PHACTR3: variants seen among roughly 807,000 people sequenced by gnomAD.
The protein encoded by PHACTR3 is protein phosphatase 1, regulatory subunit 123.
PHACTR3 carries 16 observed loss-of-function variants against 66.8 expected under a neutral mutation model. The ratio of observed to expected loss-of-function variants is 0.24; its 90% CI spans 0.16 to 0.36. The LOEUF (loss-of-function observed/expected upper bound fraction) is 0.36, where lower values mean the gene tolerates loss of function less well. Among genes scored for constraint, PHACTR3 ranks in the 10% least tolerant of loss-of-function variants. The pLI, the probability that PHACTR3 is intolerant of heterozygous loss-of-function variation, is 1.00. For missense variants in PHACTR3, 647 were observed against 719.9 expected, an observed-to-expected ratio of 0.90 and a Z score of 1.16; for synonymous variants, 323 against 292.1, an observed-to-expected ratio of 1.11 and a Z score of -1.08.
intron 1 of PHACTR3, among the ~76,000 whole-genome samples, chr20:59,680,115 G>C (rs1370771804): frequency 4.0e-5 from 6 of 151,558 alleles, no homozygotes. Context: ...CCCATCTCCT[G>C]TCTTCTGGTG....
Position 59,830,341 on chromosome 20 carries a change from T to C in PHACTR3, c.1329-6164T>C, listed in dbSNP as rs1399498069. On this transcript the variant is annotated intron_variant, in intron 8 of 12. Coordinates refer to ENST00000371015, the MANE Select transcript of PHACTR3 (RefSeq NM_080672.5). This position sits in a 1 kb window ranked among gnomAD's most constrained non-coding sequence, Gnocchi z 5.8. ...GATGAAAGAAGGTGTGAGTATTTGATGGAGGAGGGTGTGTCTGATGGAGAC... is the reference window on the plus strand; with the variant it reads ...GATGAAAGAAGGTGTGAGTATTTGACGGAGGAGGGTGTGTCTGATGGAGAC... 1.3e-5 allele frequency among the ~76,000 whole-genome samples: 2 copies of C among 150,928 alleles called. No homozygotes were observed. The highest frequency in any genetic ancestry group is 2.9e-5 in the Non-Finnish European group (2 of 67,868).
At chr20:59,746,455 T>C (rs147105312) in intron 2 of PHACTR3, among the ~76,000 whole-genome samples, 291 of 152,334 alleles carry the variant, frequency 1.9e-3, no homozygotes, top group African/African-American at 6.2e-3. Context: ...TCAGTAAATG[T>C]GTAAGGGGTT....
At chr20:59,834,723 A>G (rs1302309866) in intron 8 of PHACTR3, among the ~76,000 whole-genome samples, 1 of 152,120 alleles carries the variant, frequency 6.6e-6, no homozygotes, top group African/African-American at 2.4e-5. Context: ...CAGATTCTGA[A>G]TGTATCTGCC....
chr20:59,672,276 C>T lies in PHACTR3; in HGVS notation c.118+67144C>T, dbSNP rs182853452. 3.3e-5 allele frequency among the ~76,000 whole-genome samples: 5 copies of T among 152,368 alleles called. No individual in the cohort carries two copies. The East Asian group carries it at 9.6e-4, about 29-fold the overall frequency. Reference sequence around the variant, plus strand: ...GCTGCGCATCCCTGCGTTGGAGTCACAGTGCCCTGAGTCCCTGTCCCAATG... The same window carrying T: ...GCTGCGCATCCCTGCGTTGGAGTCATAGTGCCCTGAGTCCCTGTCCCAATG... On this transcript the variant is annotated intron_variant, in intron 1 of 12. Transcript: ENST00000371015.
In PHACTR3 at chr20:59,736,291, G is replaced by T. The variant is rs1378976897; in HGVS notation, c.119-6816G>T. Among the ~76,000 whole-genome samples the T allele has an allele frequency of 6.6e-6, 1 of 152,102 alleles. No individual in the cohort carries two copies. On this transcript the variant is annotated intron_variant, in intron 1 of 12. Transcript: ENST00000371015. This position sits in a 1 kb window ranked among gnomAD's most constrained non-coding sequence, Gnocchi z 4.6. ...ACTACTGTTATTCAGAGGCTGGGGG[G>T]TGGCTGCTAATGTGTTTGCACCTTC...
At chr20:59,836,740 A>G (rs185727587) in intron 9 of PHACTR3, among the ~76,000 whole-genome samples, 180 bp downstream of exon 9, 15 of 152,202 alleles carry the variant, frequency 9.9e-5, no homozygotes, top group Admixed American at 8.5e-4. Flanking sequence ...ATACCTAGAA[A>G]CATTTTTTTT....
intron 8 of PHACTR3, among the ~76,000 whole-genome samples, chr20:59,824,315 T>C (rs200868825): frequency 2.0e-5 from 3 of 152,170 alleles, no homozygotes; most frequent in African/African-American, 4.8e-5. Flanking sequence ...AGATGTAAGA[T>C]TGCACTCAGT....
chr20:59,629,973 G>A (rs2034607813), intron 1 of PHACTR3, among the ~76,000 whole-genome samples: 1 of 152,108 alleles, frequency 6.6e-6, no homozygotes, highest in East Asian at 1.9e-4. Context: ...AAGGAAAGAA[G>A]AAACTTTCCT....
chr20:59,830,165 G>GTGGAAGAGGGTGTGCGTGTCTGA lies in PHACTR3; in HGVS notation c.1329-6328_1329-6306dup, dbSNP rs1294261481. Among the ~76,000 whole-genome samples the GTGGAAGAGGGTGTGCGTGTCTGA allele has an allele frequency of 6.6e-6, 1 of 150,394 alleles. No homozygotes were observed. ...ACAGACAGGAGCATGTGCGTGTCTG[G>GTGGAAGAGGGTGTGCGTGTCTGA]TGGAAGAGGGTGTGCGTGTCTGATG... On this transcript the variant is annotated intron_variant, in intron 8 of 12. Transcript: ENST00000371015. The surrounding 1 kb of genome is among the most constrained non-coding windows in gnomAD (Gnocchi z 5.8).
chr20:59,731,593 G>C (rs2038765977), intron 1 of PHACTR3, among the ~76,000 whole-genome samples: 1 of 152,136 alleles, frequency 6.6e-6, no homozygotes, highest in Admixed American at 6.5e-5. Context: ...AGCGACCATT[G>C]GCAGTACTAT....
Position 59,681,460 on chromosome 20 carries a change from C to G in PHACTR3, c.119-61647C>G, listed in dbSNP as rs555360819. Reference sequence around the variant, plus strand: ...CCCCAGGGTCTCTAGAGGAATGCCACAGGGGTCCATCCCAGGTTCTGAGTC... The same window carrying G: ...CCCCAGGGTCTCTAGAGGAATGCCAGAGGGGTCCATCCCAGGTTCTGAGTC... On this transcript the variant is annotated intron_variant, in intron 1 of 12. Transcript: ENST00000371015. Among the ~76,000 whole-genome samples, 16 of 152,252 alleles carry G rather than the reference C, an allele frequency of 1.1e-4. No homozygotes were observed. The South Asian group carries it at 3.3e-3, about 32-fold the overall frequency.
rs2042333917 is a variant in PHACTR3 at position 59,830,504 on chromosome 20, G to A, written c.1329-6001G>A. Among the ~76,000 whole-genome samples, 1 of 152,146 alleles carries A rather than the reference G, an allele frequency of 6.6e-6. No individual in the cohort carries two copies. The highest frequency in any genetic ancestry group is 2.4e-5 in the African/African-American group (1 of 41,422). ...ATGAGCAGATGTTGAAAGAGGGTGT[G>A]AGCATCCGTCTGATGGAGGAGGCTG... On this transcript the variant is annotated intron_variant, in intron 8 of 12. Transcript: ENST00000371015. The surrounding 1 kb of genome is among the most constrained non-coding windows in gnomAD (Gnocchi z 5.8).
intron 8 of PHACTR3, among the ~76,000 whole-genome samples, chr20:59,811,116 G>A (rs1308985568): frequency 6.6e-6 from 1 of 152,238 alleles, no homozygotes; most frequent in East Asian, 1.9e-4. Flanking sequence ...AAGCCTTGGT[G>A]AGAAGGTAAC....
At chr20:59,781,550 G>A (rs1389128990) in intron 7 of PHACTR3, among the ~76,000 whole-genome samples, 1 of 152,156 alleles carries the variant, frequency 6.6e-6, no homozygotes, top group East Asian at 1.9e-4. Context: ...GGCCTGTGTG[G>A]GCACATGGCG....
intron 1 of PHACTR3, among the ~76,000 whole-genome samples, chr20:59,701,939 C>T (rs1365512369): frequency 1.3e-5 from 2 of 152,200 alleles, no homozygotes; most frequent in Admixed American, 6.5e-5. Context: ...TCCAAGATGT[C>T]ATATAGATTG....
intron 8 of PHACTR3, among the ~76,000 whole-genome samples, chr20:59,814,445 A>G (rs2041831024): frequency 6.6e-6 from 1 of 152,162 alleles, no homozygotes; most frequent in Non-Finnish European, 1.5e-5. Context: ...AAGGGTCCCT[A>G]TGCCGTCAGG....
At chr20:59,628,535 C>A in intron 1 of PHACTR3, 1 of 764,348 alleles carries the variant, frequency 1.3e-6, no homozygotes, top group Non-Finnish European at 1.6e-6. Context: ...CACGTGCAGG[C>A]ATTTCTGGCT....
Position 59,589,983 on chromosome 20 carries a change from C to T in PHACTR3, c.109+12366C>T, listed in dbSNP as rs116330683. On this transcript the variant is annotated intron_variant, in intron 1 of 12. Coordinates refer to the PHACTR3 transcript ENST00000359926. The stretch of plus-strand genomic sequence containing the variant: ...GTCGTGGAGTCTAGGCTCTTCCCTC[C>T]GCTTCTGTAGGCAGCTGTTTCACCA... Among the ~76,000 whole-genome samples the T allele has an allele frequency of 9.2e-3, 1,404 of 152,326 alleles. 22 individuals carry two copies. The highest frequency in any genetic ancestry group is 0.032 in the African/African-American group (1,316 of 41,558).
intron 3 of PHACTR3, among the ~76,000 whole-genome samples, chr20:59,751,067 G>C (rs538304967): frequency 6.6e-6 from 1 of 152,238 alleles, no homozygotes. Flanking sequence ...TGCCCTCTCC[G>C]GCTCAGGGGA....
Sources: allele counts gnomAD v4.1 joint callset (sites outside exome capture counted in the v4.1 genomes callset), GRCh38; gene constraint gnomAD v4.1.1; non-coding constraint Gnocchi (gnomAD v3.1); transcripts MANE v1.5; gene names NCBI Gene and HGNC (gene_info 2026-07-23, HGNC 2026-07-21).